FAM220A: variants seen among roughly 807,000 people sequenced by gnomAD.
FAM220A encodes family with sequence similarity 220 member A.
For missense variants in FAM220A, 392 were observed against 321.6 expected (o/e 1.22, Z -1.68); for synonymous variants, 141 against 130.7 (o/e 1.08, Z -0.54).
chr7:6,341,228 A>T (rs1326566957), intron 1 of FAM220A, among the ~76,000 whole-genome samples: 1 of 151,074 alleles, frequency 6.6e-6, no homozygotes, highest in East Asian at 2.0e-4. Flanking sequence ...GTAGATCAGG[A>T]GGTCAGGAGA....
In FAM220A at chr7:6,330,323, C is replaced by A; in HGVS notation, c.*52G>T. The A allele has an allele frequency of 4.6e-6, 7 of 1,511,868 alleles. No homozygotes were observed. Among genetic ancestry groups the A allele is most frequent in the South Asian group, 1.3e-5 (1 of 78,246 alleles). The allele number at this position is 1,511,868 out of a possible 1,614,324, so 93.7% of individuals were successfully genotyped here. A position where few individuals can be genotyped will look rare whatever the true frequency, so the allele number is the denominator to read the frequency against. On this transcript the variant is annotated 3_prime_UTR_variant, in exon 2 of 2. Coordinates refer to ENST00000313324, the MANE Select transcript of FAM220A (RefSeq NM_001037163.2). ...CATCCAGACTTAATGCGAAAGAAAT[C>A]ATTCTAAGACAACTCTTAAAATTAA...
intron 1 of FAM220A, among the ~76,000 whole-genome samples, 183 bp from the exon 2 acceptor site, chr7:6,331,418 G>A (rs1195778358): frequency 2.0e-5 from 3 of 152,108 alleles, no homozygotes; most frequent in East Asian, 1.9e-4. Context: ...CCACCTCAGC[G>A]TCCCAAAGTG....
Position 6,330,507 on chromosome 7 carries a change from T to C in FAM220A, c.648A>G (p.Leu216=). The change falls in exon 2 of 2, where the codon TTA becomes TTG. Residue 216 remains leucine (L), a synonymous_variant. Transcript: ENST00000313324. ...TTGTTTGCTTTGAAAACATGGGCTTTAAACGGTCAAGGAAAATGCGTTTTG... is the reference window on the plus strand; with the variant it reads ...TTGTTTGCTTTGAAAACATGGGCTTCAAACGGTCAAGGAAAATGCGTTTTG... The part of the protein sequence containing the change: ...EETKRIFLDR[L]KPMFSKQTIE... 6.2e-7 allele frequency: 1 copy of C among 1,614,214 alleles called. No individual in the cohort carries two copies. The highest frequency in any genetic ancestry group is 1.1e-5 in the South Asian group (1 of 91,092).
chr7:6,333,053 A>G (rs1300755098), intron 1 of FAM220A, among the ~76,000 whole-genome samples: 1 of 151,816 alleles, frequency 6.6e-6, no homozygotes, highest in African/African-American at 2.4e-5. Flanking sequence ...GCTACCAGGG[A>G]GGCTGAAGCG....
intron 1 of FAM220A, among the ~76,000 whole-genome samples, chr7:6,339,311 A>G (rs1421355767): frequency 1.3e-5 from 2 of 151,956 alleles, no homozygotes; most frequent in Non-Finnish European, 2.9e-5. Context: ...TCTACAAAAA[A>G]TTAAAAAATT....
chr7:6,335,604 C>A (rs1398712424), intron 1 of FAM220A, among the ~76,000 whole-genome samples: 1 of 152,014 alleles, frequency 6.6e-6, no homozygotes, highest in Admixed American at 6.6e-5. Flanking sequence ...TTAACATTTT[C>A]TATGTTTTAT....
In FAM220A at chr7:6,331,127, T is replaced by A. The variant is rs1562444128; in HGVS notation, c.28A>T (p.Thr10Ser). The A allele has an allele frequency of 1.9e-6, 3 of 1,613,102 alleles. No homozygotes were observed. Among genetic ancestry groups the A allele is most frequent in the Admixed American group, 3.3e-5 (2 of 59,986 alleles). Reference protein sequence around the residue: MRDRRGPLGTCLAQVQQAGG... With the variant: MRDRRGPLGSCLAQVQQAGG... ...GCCTGCTGCACTTGTGCCAGGCAGG[T>A]GCCGAGGGGCCCTCTTCTGTCCCTC... The change falls in exon 2 of 2, where the codon ACC (threonine) becomes TCC (serine). Residue 10 changes from threonine (T) to serine (S), a missense_variant. Thr to Ser is a moderately conservative substitution (Grantham distance 58). Transcript: ENST00000313324.
chr7:6,338,072 G>A (rs1781780599), intron 1 of FAM220A, among the ~76,000 whole-genome samples: 1 of 152,142 alleles, frequency 6.6e-6, no homozygotes, highest in African/African-American at 2.4e-5. Context: ...CCAAAGCACT[G>A]CGATTACAGG....
chr7:6,334,701 G>C (rs1042417006), intron 1 of FAM220A, among the ~76,000 whole-genome samples: 1 of 151,998 alleles, frequency 6.6e-6, no homozygotes, highest in African/African-American at 2.4e-5. Flanking sequence ...CCTGAGCTCA[G>C]GCAGTCCACC....
chr7:6,336,623 G>T (rs1011712797), intron 1 of FAM220A, among the ~76,000 whole-genome samples: 1 of 151,404 alleles, frequency 6.6e-6, no homozygotes, highest in Non-Finnish European at 1.5e-5. Flanking sequence ...AGCAGAGGCT[G>T]CCGTGAGCCA....
At chr7:6,340,184 C>T (rs143180034) in intron 1 of FAM220A, among the ~76,000 whole-genome samples, 1,933 of 152,264 alleles carry the variant, frequency 0.013, 24 homozygotes, top group Non-Finnish European at 0.019. Context: ...CGCGCCCGGC[C>T]CCTCCCAGGA....
At chr7:6,331,338 A>T in intron 1 of FAM220A, 103 bp from the exon 2 acceptor site, 1 of 647,086 alleles carries the variant, frequency 1.5e-6, no homozygotes, top group Non-Finnish European at 2.7e-6. Flanking sequence ...GATCTTTATG[A>T]CAGTCTCCAG....
intron 1 of FAM220A, among the ~76,000 whole-genome samples, chr7:6,337,212 CAGGT>C (rs1308189583): frequency 1.3e-5 from 2 of 152,124 alleles, no homozygotes; most frequent in African/African-American, 4.8e-5. Context: ...GCTGAGACTA[CAGGT>C]GTATGCCACC....
intron 1 of FAM220A, among the ~76,000 whole-genome samples, chr7:6,333,784 T>C (rs1781686861): frequency 6.6e-6 from 1 of 151,534 alleles, no homozygotes; most frequent in Non-Finnish European, 1.5e-5. Context: ...TTTTTTTTTT[T>C]TTAATAGAGA....
chr7:6,334,084 G>A lies in FAM220A; in HGVS notation c.-81-2849C>T, dbSNP rs539408606. 1.5e-4 allele frequency among the ~76,000 whole-genome samples: 23 copies of A among 151,172 alleles called. No individual in the cohort carries two copies. The South Asian group carries it at 4.6e-3, about 30-fold the overall frequency. ...GATGGAATCTATCTCCTGACCTCGT[G>A]ATCCGCCCACCTTGGCCTCCCAAAG... On this transcript the variant is annotated intron_variant, in intron 1 of 1. Transcript: ENST00000313324.
At chr7:6,341,559 G>A (rs1277559575) in intron 1 of FAM220A, among the ~76,000 whole-genome samples, 6 of 150,426 alleles carry the variant, frequency 4.0e-5, no homozygotes, top group African/African-American at 1.5e-4. Flanking sequence ...GTGTAGTGGT[G>A]GGAGCCTGTA....
chr7:6,345,220 C>T (rs975059888), intron 1 of FAM220A, among the ~76,000 whole-genome samples: 2 of 151,292 alleles, frequency 1.3e-5, no homozygotes, highest in African/African-American at 2.4e-5. Context: ...TTGGCTCAAG[C>T]GATCCTCCCA....
At chr7:6,334,630 C>G (rs1781709601) in intron 1 of FAM220A, among the ~76,000 whole-genome samples, 1 of 151,940 alleles carries the variant, frequency 6.6e-6, no homozygotes, top group Non-Finnish European at 1.5e-5. Flanking sequence ...CCACGCCCGG[C>G]TAATTTTTTA....
At chr7:6,341,911 T>A (rs1190967078) in intron 1 of FAM220A, 1 of 151,642 alleles carries the variant, frequency 6.6e-6, no homozygotes, top group African/African-American at 2.4e-5. Flanking sequence ...GGCAGGAGAA[T>A]CACTTGAACC....
Sources: gnomAD v4.1 joint callset for allele counts (sites outside exome capture counted in the v4.1 genomes callset) on GRCh38, gnomAD v4.1.1 for gene constraint, MANE v1.5 for transcripts, NCBI Gene and HGNC (gene_info 2026-07-23, HGNC 2026-07-21) for gene names.